The following CFAP58 variants were observed in gnomAD, a reference collection of about 807,000 sequenced individuals.
CFAP58 encodes cilia- and flagella-associated protein 58.
In CFAP58, 88 loss-of-function variants were observed where a neutral mutation model predicts 119.5. That is an observed-to-expected ratio of 0.74 (90% confidence interval 0.62 to 0.88). The LOEUF (loss-of-function observed/expected upper bound fraction) is 0.88. CFAP58 is among the 40% of genes least tolerant of loss of function. CFAP58 has a pLI of 0.00. For synonymous variants in CFAP58, 365 were observed against 366.3 expected, an observed-to-expected ratio of 1.00 and a Z score of 0.04; for missense variants, 990 against 1,021.2, an observed-to-expected ratio of 0.97 and a Z score of 0.42.
At chr10:104,418,376 A>G (rs1168937582) in intron 15 of CFAP58, among the ~76,000 whole-genome samples, 2 of 152,076 alleles carry the variant, frequency 1.3e-5, no homozygotes, top group Admixed American at 1.3e-4. Context: ...GTGAAACCCC[A>G]TCTCTACTAA....
intron 3 of CFAP58, 23 bp downstream of exon 3, chr10:104,362,194 T>C: frequency 6.3e-7 from 1 of 1,587,182 alleles, no homozygotes; most frequent in Non-Finnish European, 8.6e-7. Context: ...CTTGTTGATG[T>C]ATGTTAAACT....
intron 2 of CFAP58, 122 bp downstream of exon 2, chr10:104,358,744 A>C: frequency 7.2e-6 from 6 of 831,872 alleles, no homozygotes; most frequent in Non-Finnish European, 1.1e-5. Flanking sequence ...TTTTATATTC[A>C]TTAAGCCTAA....
chr10:104,394,766 T>C (rs981983709), intron 11 of CFAP58, among the ~76,000 whole-genome samples: 25 of 152,258 alleles, frequency 1.6e-4, no homozygotes. Context: ...AATATACATA[T>C]ATTTTCTAAA....
rs1564876010 is a variant in CFAP58, at chr10:104,357,932, C to CGT, written c.10-409_10-408insGT. Among the ~76,000 whole-genome samples the CGT allele has an allele frequency of 1.0e-4, 11 of 107,376 alleles. 1 individual carries two copies. Among genetic ancestry groups the CGT allele is most frequent in the Admixed American group, 1.7e-4 (2 of 12,046 alleles). 70.4% of individuals were successfully genotyped at this position (107,376 alleles called of 152,430 possible). A position where few individuals can be genotyped will look rare whatever the true frequency, so the allele number is the denominator to read the frequency against. ...ATACACACATATATGTACACATATA[C>CGT]ACACATATATGTACACATATATACA... On this transcript the variant is annotated intron_variant, in intron 1 of 17. Coordinates refer to ENST00000369704, the MANE Select transcript of CFAP58 (RefSeq NM_001008723.2).
chr10:104,444,116 C>T (rs1323263847), intron 15 of CFAP58, among the ~76,000 whole-genome samples: 2 of 152,198 alleles, frequency 1.3e-5, no homozygotes, highest in African/African-American at 2.4e-5. Flanking sequence ...GATTCCAGTA[C>T]AGCTGTTCAT....
chr10:104,341,914 TAA>T, the CFAP58 span, among the ~76,000 whole-genome samples: 1 of 152,210 alleles, frequency 6.6e-6, no homozygotes, highest in Non-Finnish European at 1.5e-5. Flanking sequence ...AGAAATCTTC[TAA>T]AGTCAGTGCA....
chr10:104,393,281 C>T lies in CFAP58; in HGVS notation c.1528-48C>T, dbSNP rs4582900. On this transcript the variant is annotated intron_variant, in intron 10 of 17. Coordinates refer to ENST00000369704, the MANE Select transcript of CFAP58 (RefSeq NM_001008723.2). ...AATATATATTGAACTTCCATAGGGACGATGATGTCTAATTCACTTTCAAAC... is the reference window on the plus strand; with the variant it reads ...AATATATATTGAACTTCCATAGGGATGATGATGTCTAATTCACTTTCAAAC... The T allele has an allele frequency of 3.7e-5, 57 of 1,554,356 alleles. 1 individual carries two copies. Among genetic ancestry groups the T allele is most frequent in the East Asian group, 2.7e-4 (12 of 44,162 alleles).
intron 15 of CFAP58, among the ~76,000 whole-genome samples, chr10:104,413,428 G>C (rs138906033): frequency 1.1e-3 from 161 of 152,326 alleles, no homozygotes; most frequent in African/African-American, 3.4e-3. Flanking sequence ...AGATGGAGAA[G>C]TCTGTATTCT....
intron 15 of CFAP58, among the ~76,000 whole-genome samples, chr10:104,411,096 C>T (rs942610879): frequency 8.6e-5 from 13 of 152,000 alleles, no homozygotes; most frequent in Admixed American, 6.6e-4. Context: ...TCCACCACAA[C>T]GCCCAGCTAA....
intron 15 of CFAP58, among the ~76,000 whole-genome samples, chr10:104,414,794 C>A (rs1030674025): frequency 6.6e-6 from 1 of 152,152 alleles, no homozygotes; most frequent in Admixed American, 6.5e-5. Flanking sequence ...CTCAGCCTCC[C>A]GAGTAGCTGG....
chr10:104,368,329 A>G (rs2014778342), intron 5 of CFAP58, 94 bp from the exon 6 acceptor site: 1 of 1,194,494 alleles, frequency 8.4e-7, no homozygotes, highest in South Asian at 1.5e-5. Context: ...GGTTGCTGTT[A>G]TCTTCCCAGG....
chr10:104,436,080 C>G (rs1455191068), intron 15 of CFAP58, among the ~76,000 whole-genome samples: 1 of 152,070 alleles, frequency 6.6e-6, no homozygotes, highest in Non-Finnish European at 1.5e-5. Context: ...TCTTTTTTCC[C>G]CCCAGGCACT....
At chr10:104,380,494 A>T (rs989846805) in intron 9 of CFAP58, among the ~76,000 whole-genome samples, 3 of 152,048 alleles carry the variant, frequency 2.0e-5, no homozygotes, top group Admixed American at 2.0e-4. Context: ...CTCTGTTGCC[A>T]TGCTGTGCAG....
upstream of CFAP58, chr10:104,353,624 C>T (rs1479591716): frequency 4.2e-6 from 2 of 470,754 alleles, no homozygotes; most frequent in Non-Finnish European, 7.7e-6. Context: ...CCCCTCACTT[C>T]CTTGGCTCCG....
intron 15 of CFAP58, among the ~76,000 whole-genome samples, chr10:104,415,173 A>C (rs1029390228): frequency 3.3e-5 from 5 of 152,070 alleles, no homozygotes; most frequent in Non-Finnish European, 5.9e-5. Flanking sequence ...CAGGTGTCTC[A>C]GTTTGGGTCT....
At chr10:104,427,489 T>C (rs80004378) in intron 15 of CFAP58, among the ~76,000 whole-genome samples, 1,987 of 152,284 alleles carry the variant, frequency 0.013, 22 homozygotes, top group Non-Finnish European at 0.019. Context: ...CTCTGTGAGA[T>C]GGATGTTGAT....
chr10:104,378,649 G>A lies in CFAP58; in HGVS notation c.1174-1380G>A, dbSNP rs898492645. Reference sequence around the variant, plus strand: ...AGTGAAGATTGTCACTGTCTCTCTCGTTTTCCAGTCCATATGACAAAAAAT... The same window carrying A: ...AGTGAAGATTGTCACTGTCTCTCTCATTTTCCAGTCCATATGACAAAAAAT... On this transcript the variant is annotated intron_variant, in intron 8 of 17. Coordinates refer to ENST00000369704, the MANE Select transcript of CFAP58 (RefSeq NM_001008723.2). Among the ~76,000 whole-genome samples the A allele has an allele frequency of 5.9e-5, 9 of 152,040 alleles. No homozygotes were observed. In the East Asian group the frequency reaches 7.7e-4, roughly 13 times the overall value.
In CFAP58 at chr10:104,403,736, T is replaced by C; in HGVS notation, c.2047T>C (p.Phe683Leu). 1.2e-6 allele frequency: 2 copies of C among 1,607,046 alleles called. No individual in the cohort carries two copies. The highest frequency in any genetic ancestry group is 1.7e-6 in the Non-Finnish European group (2 of 1,176,900). The change falls in exon 14 of 18, where the codon TTT becomes CTT. Residue 683 changes from phenylalanine (F) to leucine (L), a missense_variant. Physicochemically the swap from Phe to Leu is conservative, Grantham distance 22 (BLOSUM62 0). Transcript: ENST00000369704. ...MANVEELRQE[F>L]FHMQRELLKE... ...CAAGTTTGTCTTATTCAGACAGGAG[T>C]TTTTTCACATGCAAAGAGAATTGTT...
At chr10:104,342,844 CAAAAAA>C in the CFAP58 span, among the ~76,000 whole-genome samples, 4 of 48,502 alleles carry the variant, frequency 8.2e-5, no homozygotes, top group Non-Finnish European at 1.5e-4. Context: ...GACCCTGTAT[CAAAAAA>C]AAAAAAAAAA....
Sources: allele counts gnomAD v4.1 joint callset (sites outside exome capture counted in the v4.1 genomes callset), GRCh38; gene constraint gnomAD v4.1.1; transcripts MANE v1.5; gene names NCBI Gene and HGNC (gene_info 2026-07-23, HGNC 2026-07-21).